GABRR2: variants seen among roughly 807,000 people sequenced by gnomAD.
The protein encoded by GABRR2 is gamma-aminobutyric acid receptor subunit rho-2.
GABRR2 carries 36 observed loss-of-function variants against 47.0 expected under a neutral mutation model. The ratio of observed to expected loss-of-function variants is 0.77; its 90% confidence interval spans 0.59 to 1.01. GABRR2 has a LOEUF of 1.01. Ranked by LOEUF, GABRR2 falls within the 50% of genes least tolerant of loss-of-function variation. The pLI is 0.00. For synonymous variants in GABRR2, 204 were observed against 227.5 expected (o/e 0.90, Z 0.93); for missense variants, 587 against 594.6 (o/e 0.99, Z 0.13).
intron 3 of GABRR2, 141 bp from the exon 4 acceptor site, chr6:89,269,375 G>A (rs781085327): frequency 7.4e-6 from 5 of 675,628 alleles, no homozygotes; most frequent in Non-Finnish European, 1.3e-5. Context: ...CCCTGTGGCA[G>A]GATGGCACTG....
intron 4 of GABRR2, among the ~76,000 whole-genome samples, chr6:89,268,496 C>G (rs1300518525): frequency 6.6e-6 from 1 of 152,132 alleles, no homozygotes; most frequent in African/African-American, 2.4e-5. Flanking sequence ...GTGAACTGTA[C>G]AAGCAGACCA....
At chr6:89,282,885 TG>T (rs1774273690) in intron 2 of GABRR2, among the ~76,000 whole-genome samples, 1 of 152,214 alleles carries the variant, frequency 6.6e-6, no homozygotes, top group Non-Finnish European at 1.5e-5. Context: ...CCCACGATAC[TG>T]TGCAGCTCCG....
At chr6:89,313,700 T>G (rs909312029) in intron 1 of GABRR2, among the ~76,000 whole-genome samples, 3 of 152,164 alleles carry the variant, frequency 2.0e-5, no homozygotes, top group African/African-American at 7.2e-5. Flanking sequence ...GTGGATCACT[T>G]GAGGTCAGAA....
chr6:89,266,462 C>A (rs1773897838), intron 6 of GABRR2, among the ~76,000 whole-genome samples: 1 of 152,144 alleles, frequency 6.6e-6, no homozygotes, highest in Non-Finnish European at 1.5e-5. Context: ...GAAATTGTCA[C>A]CTTTATTGTG....
Position 89,257,992 on chromosome 6 carries a change from C to A in GABRR2, c.1087-11G>T, listed in dbSNP as rs778101042. On this transcript the variant is annotated splice_polypyrimidine_tract_variant and intron_variant, in intron 8 of 8. Coordinates refer to ENST00000402938, the MANE Select transcript of GABRR2 (RefSeq NM_002043.5). ...ACACATGCACGGGAACTATGGGCAGCAAGCACAAAGAACATCATTAAGCCT... is the reference window on the plus strand; with the variant it reads ...ACACATGCACGGGAACTATGGGCAGAAAGCACAAAGAACATCATTAAGCCT... The A allele has an allele frequency of 6.2e-7, 1 of 1,609,236 alleles. No homozygotes were observed. Among genetic ancestry groups the A allele is most frequent in the Non-Finnish European group, 8.5e-7 (1 of 1,177,576 alleles).
chr6:89,259,666 G>A (rs1202796804), intron 8 of GABRR2, among the ~76,000 whole-genome samples: 2 of 151,876 alleles, frequency 1.3e-5, no homozygotes, highest in African/African-American at 2.4e-5. Flanking sequence ...ACCATGCCCA[G>A]CTAATTTTTG....
chr6:89,282,188 C>G (rs1774264183), intron 2 of GABRR2, among the ~76,000 whole-genome samples: 1 of 152,170 alleles, frequency 6.6e-6, no homozygotes, highest in Admixed American at 6.5e-5. Context: ...GAGCCACCAG[C>G]CCCCCTCCTC....
At chr6:89,263,127 A>G (rs969013876) in intron 8 of GABRR2, among the ~76,000 whole-genome samples, 7 of 152,228 alleles carry the variant, frequency 4.6e-5, no homozygotes, top group African/African-American at 1.4e-4. Context: ...CCCCGGAGAC[A>G]GTAGGACCAA....
At chr6:89,272,958 C>G (rs1446026029) in intron 2 of GABRR2, among the ~76,000 whole-genome samples, 2 of 152,184 alleles carry the variant, frequency 1.3e-5, no homozygotes, top group Non-Finnish European at 2.9e-5. Flanking sequence ...CTCGCTGACT[C>G]CCCCACGGCT....
intron 2 of GABRR2, among the ~76,000 whole-genome samples, chr6:89,286,138 A>G (rs1278592359): frequency 6.6e-6 from 1 of 152,222 alleles, no homozygotes; most frequent in Non-Finnish European, 1.5e-5. Flanking sequence ...TCTCCAGGGA[A>G]TATCTGGCCA....
At position 89,265,691 on chromosome 6, in the gene GABRR2, G is replaced by A. The variant is rs760075944; in HGVS notation, c.811C>T (p.Pro271Ser). 2.5e-6 allele frequency: 4 copies of A among 1,614,158 alleles called. No individual in the cohort carries two copies. In the South Asian group the frequency reaches 4.4e-5, roughly 18 times the overall value. ...GACAGCATGACCATCAGAGTGGCAGGGAAATATGTTTGGAGCAAGAAGAAG... is the reference window on the plus strand; with the variant it reads ...GACAGCATGACCATCAGAGTGGCAGAGAAATATGTTTGGAGCAAGAAGAAG... ...IFFFLLQTYF[P>S]ATLMVMLSWV... The change falls in exon 7 of 9, where the codon CCT (proline) becomes TCT (serine). Residue 271 changes from proline (P) to serine (S), a missense_variant. Pro to Ser is a moderately conservative substitution (Grantham distance 74). Coordinates refer to ENST00000402938, the MANE Select transcript of GABRR2 (RefSeq NM_002043.5).
rs1774465471 is a variant in GABRR2 at position 89,292,455 on chromosome 6, T to C, written c.220+7304A>G. Among the ~76,000 whole-genome samples the C allele has an allele frequency of 6.8e-3, 28 of 4,108 alleles. No individual in the cohort carries two copies. The South Asian group carries it at 0.26, about 38-fold the overall frequency. 2.7% of individuals were successfully genotyped at this position (4,108 alleles called of 152,430 possible). On this transcript the variant is annotated intron_variant, in intron 2 of 8. Coordinates refer to ENST00000402938, the MANE Select transcript of GABRR2 (RefSeq NM_002043.5). Reference sequence around the variant, plus strand: ...ATATATATATCAGATATATATCGTATCTCTGATATATATATCAGATATATA... The same window carrying C: ...ATATATATATCAGATATATATCGTACCTCTGATATATATATCAGATATATA...
intron 1 of GABRR2, chr6:89,303,102 G>A: frequency 1.5e-6 from 1 of 665,866 alleles, no homozygotes; most frequent in Non-Finnish European, 2.5e-6. Context: ...TGGAGGCCCA[G>A]GGCCCCAAGT....
Position 89,315,108 on chromosome 6 carries a change from T to C in GABRR2, c.58A>G (p.Ser20Gly). ...CATCGCTTCCTCTTGGGTTTTCTGC[T>C]CTCCACGAGAACCATCAAGCAAAAC... ...FLFCLMVLVE[S>G]RKPKRKRWTG... The change falls in exon 1 of 9, where the codon AGC becomes GGC. Residue 20 changes from serine (S) to glycine (G), a missense_variant. Physicochemically the swap from Ser to Gly is moderately conservative, Grantham distance 56. Coordinates refer to ENST00000402938, the MANE Select transcript of GABRR2 (RefSeq NM_002043.5). The C allele has an allele frequency of 4.3e-6, 7 of 1,613,812 alleles. No individual in the cohort carries two copies. The highest frequency in any genetic ancestry group is 5.1e-6 in the Non-Finnish European group (6 of 1,179,848).
chr6:89,301,778 C>T (rs1020478530), intron 1 of GABRR2: 2 of 763,716 alleles, frequency 2.6e-6, no homozygotes, highest in South Asian at 2.8e-5. Context: ...CCAGACACGC[C>T]CAGTATGAGG....
chr6:89,262,942 A>C (rs1199171979), intron 8 of GABRR2, among the ~76,000 whole-genome samples: 21 of 152,246 alleles, frequency 1.4e-4, no homozygotes, highest in Non-Finnish European at 1.5e-5. Context: ...CCTAACACTA[A>C]AATGAATAAG....
At chr6:89,293,975 TTTCTC>T (rs1182477425) in intron 2 of GABRR2, among the ~76,000 whole-genome samples, 1 of 152,198 alleles carries the variant, frequency 6.6e-6, no homozygotes, top group Non-Finnish European at 1.5e-5. Context: ...TTTTTAATCT[TTTCTC>T]TTTCTAGACT....
chr6:89,301,076 T>G (rs943241965), intron 1 of GABRR2, among the ~76,000 whole-genome samples: 20 of 152,182 alleles, frequency 1.3e-4, no homozygotes, highest in Non-Finnish European at 1.5e-5. Flanking sequence ...AGGATGCAAG[T>G]TTGGTTTAAC....
At chr6:89,314,945 A>C (rs1582470726) in intron 1 of GABRR2, 108 bp downstream of exon 1, 1 of 911,562 alleles carries the variant, frequency 1.1e-6, no homozygotes, top group East Asian at 2.5e-5. Flanking sequence ...TCATTCTCAT[A>C]GGGCGATATC....
Sources: allele counts gnomAD v4.1 joint callset (sites outside exome capture counted in the v4.1 genomes callset), GRCh38; gene constraint gnomAD v4.1.1; transcripts MANE v1.5; gene names NCBI Gene and HGNC (gene_info 2026-07-23, HGNC 2026-07-21).